The following SQSTM1 variants were observed in gnomAD, a reference collection of about 807,000 sequenced individuals.
SQSTM1 encodes the protein sequestosome 1.
In SQSTM1, 36 loss-of-function variants were observed where a neutral mutation model predicts 45.1. That is an observed-to-expected ratio of 0.80 (90% confidence interval 0.61 to 1.05). SQSTM1 has a LOEUF of 1.05. Ranked by LOEUF, SQSTM1 falls within the 50% of genes least tolerant of loss-of-function variation. The pLI, the probability that SQSTM1 is intolerant of heterozygous loss-of-function variation, is 0.00. For synonymous variants in SQSTM1, 290 were observed against 244.3 expected (o/e 1.19, Z -1.74); for missense variants, 617 against 607.1 (o/e 1.02, Z -0.17).
intron 5 of SQSTM1, 34 bp from the exon 6 acceptor site, chr5:179,832,998 C>T (rs747985542): frequency 1.2e-6 from 2 of 1,612,012 alleles, no homozygotes; most frequent in Admixed American, 3.3e-5. Flanking sequence ...CTTGGGGGAA[C>T]TTCACGGCTT....
In SQSTM1 at chr5:179,823,788, C is replaced by G. The variant is rs543533052; in HGVS notation, c.302-70C>G. On this transcript the variant is annotated intron_variant, in intron 2 of 7. Coordinates refer to ENST00000389805, the MANE Select transcript of SQSTM1 (RefSeq NM_003900.5). ...GGGGGCCTTGCTGGCAGTGACAGCC[C>G]CACAGTGACGACAGAGGGGGAGGAC... 9.1e-6 allele frequency: 14 copies of G among 1,540,458 alleles called. No homozygotes were observed. The African/African-American group carries it at 1.5e-4, about 16-fold the overall frequency.
Position 179,821,118 on chromosome 5 carries a change from G to C in SQSTM1, c.182G>C (p.Gly61Ala). 7.2e-7 allele frequency: 1 copy of C among 1,382,436 alleles called. No individual in the cohort carries two copies. The highest frequency in any genetic ancestry group is 9.3e-7 in the Non-Finnish European group (1 of 1,071,908). The allele number at this position is 1,382,436 out of a possible 1,614,324, so 85.6% of individuals were successfully genotyped here. A position where few individuals can be genotyped will look rare whatever the true frequency, so the allele number is the denominator to read the frequency against. ...GCCCTGTTCCCCGCGCTGCGGCCTG[G>C]CGGCTTCCAGGCGCACTACCGCGGT... Reference protein sequence around the residue: ...VAALFPALRPGGFQAHYRDED... With the variant: ...VAALFPALRPAGFQAHYRDED... The change falls in exon 1 of 8, where the codon GGC (glycine) becomes GCC (alanine). Residue 61 changes from glycine to alanine, a missense_variant. By Grantham distance (60) the Gly-to-Ala change is moderately conservative. Transcript: ENST00000389805.
At chr5:179,822,619 T>C in intron 1 of SQSTM1, 2 of 367,264 alleles carry the variant, frequency 5.4e-6, no homozygotes, top group Non-Finnish European at 1.1e-5. Context: ...AAGACGGACA[T>C]GGGCCTGGTC....
upstream of SQSTM1, chr5:179,820,803 G>C: frequency 2.3e-6 from 2 of 859,942 alleles, no homozygotes; most frequent in Non-Finnish European, 1.6e-6. Flanking sequence ...GCGCCGCGAC[G>C]ACGGTGGCGG....
At chr5:179,834,511 TAAAC>T (rs990412032) in intron 7 of SQSTM1, among the ~76,000 whole-genome samples, 1 of 151,814 alleles carries the variant, frequency 6.6e-6, no homozygotes, top group African/African-American at 2.4e-5. Flanking sequence ...GGTCAGCAGA[TAAAC>T]AAGTGAACAA....
At chr5:179,828,455 C>T (rs1758090969) in intron 5 of SQSTM1, among the ~76,000 whole-genome samples, 2 of 144,656 alleles carry the variant, frequency 1.4e-5, no homozygotes, top group African/African-American at 5.2e-5. Flanking sequence ...CTCACTACAA[C>T]CTCTGCCTCC....
intron 5 of SQSTM1, among the ~76,000 whole-genome samples, chr5:179,829,603 A>G (rs1758130977): frequency 6.6e-6 from 1 of 152,254 alleles, no homozygotes; most frequent in Non-Finnish European, 1.5e-5. Context: ...TTAAAATTAA[A>G]AAATAGAAAA....
chr5:179,832,945 G>A, intron 5 of SQSTM1, 87 bp from the exon 6 acceptor site: 1 of 1,338,100 alleles, frequency 7.5e-7, no homozygotes, highest in South Asian at 1.2e-5. Context: ...ATCTTCGTGA[G>A]TCTGTAGTCT....
At chr5:179,836,270 C>T in intron 7 of SQSTM1, 166 bp from the exon 8 acceptor site, 2 of 883,962 alleles carry the variant, frequency 2.3e-6, no homozygotes, top group South Asian at 1.4e-5. Context: ...CTGCTTGGCC[C>T]TTTACAGGGA....
upstream of SQSTM1, among the ~76,000 whole-genome samples, chr5:179,817,095 G>C (rs1757603785): frequency 1.3e-5 from 2 of 152,078 alleles, no homozygotes; most frequent in South Asian, 4.1e-4. Flanking sequence ...GCCGCGCCGG[G>C]GGCCGGGACA....
In SQSTM1 at chr5:179,836,458, G is replaced by T; in HGVS notation, c.1188G>T (p.Glu396Asp). ...LPPEADPRLI[E>D]SLSQMLSMGF... Reference sequence around the variant, plus strand: ...CAGAGGCTGACCCGCGGCTGATTGAGTCCCTCTCCCAGATGCTGTCCATGG... The same window carrying T: ...CAGAGGCTGACCCGCGGCTGATTGATTCCCTCTCCCAGATGCTGTCCATGG... Residue 396 changes from glutamate to aspartate, a missense_variant, in exon 8 of 8, where the codon GAG (glutamate) becomes GAT (aspartate). Physicochemically the swap from Glu to Asp is conservative, Grantham distance 45. Transcript: ENST00000389805. The T allele has an allele frequency of 6.2e-7, 1 of 1,614,200 alleles. No individual in the cohort carries two copies. Among genetic ancestry groups the T allele is most frequent in the Non-Finnish European group, 8.5e-7 (1 of 1,180,038 alleles).
At position 179,823,982 on chromosome 5, in the gene SQSTM1, CAGCGTCTGCCCAGACTACGACTTGTGT is replaced by C. The variant is rs754933881; in HGVS notation, c.436_462del (p.Pro146_Cys154del). 2.5e-6 allele frequency: 4 copies of C among 1,614,050 alleles called. No individual in the cohort carries two copies. The South Asian group carries it at 3.3e-5, about 13-fold the overall frequency. ...CTGTGGTAGGAACCCGCTACAAGTG[CAGCGTCTGCCCAGACTACGACTTGTGT>C]AGCGTCTGCGAGGGAAAGGGCTTGC... On this transcript the variant is annotated inframe_deletion, in exon 3 of 8. Coordinates refer to ENST00000389805, the MANE Select transcript of SQSTM1 (RefSeq NM_003900.5).
intron 5 of SQSTM1, among the ~76,000 whole-genome samples, chr5:179,825,668 G>A (rs1757959388): frequency 6.6e-6 from 1 of 152,214 alleles, no homozygotes; most frequent in South Asian, 2.1e-4. Flanking sequence ...CCTTTCTGGT[G>A]CTTCTGAGTG....
chr5:179,818,341 G>T (rs1288866264), upstream of SQSTM1, among the ~76,000 whole-genome samples: 3 of 152,186 alleles, frequency 2.0e-5, no homozygotes, highest in East Asian at 5.8e-4. Context: ...CCCTGTGATT[G>T]TCAATCTCCC....
At chr5:179,809,637 CTTTTT>C (rs1181470503) in intron 1 of SQSTM1, among the ~76,000 whole-genome samples, 2 of 77,648 alleles carry the variant, frequency 2.6e-5, no homozygotes, top group Non-Finnish European at 4.8e-5. Context: ...GCGCCTGGCC[CTTTTT>C]TTTTTTTTTT....
chr5:179,808,692 C>T (rs1053218322), intron 1 of SQSTM1, among the ~76,000 whole-genome samples: 2 of 152,002 alleles, frequency 1.3e-5, no homozygotes, highest in Non-Finnish European at 2.9e-5. Flanking sequence ...GTGGCTCATG[C>T]CTGTAATCCC....
At chr5:179,811,929 T>A (rs561493588) in intron 2 of SQSTM1, 1 of 152,150 alleles carries the variant, frequency 6.6e-6, no homozygotes. Context: ...CTCAGCCTCC[T>A]GAGTAGCTGG....
Position 179,806,557 on chromosome 5 carries a change from C to T in SQSTM1, c.-191C>T, listed in dbSNP as rs201297801. The T allele has an allele frequency of 1.4e-5, 18 of 1,317,994 alleles. No individual in the cohort carries two copies. The East Asian group carries it at 7.3e-4, about 53-fold the overall frequency. 81.6% of individuals were successfully genotyped at this position (1,317,994 alleles called of 1,614,324 possible). On this transcript the variant is annotated 5_prime_UTR_variant, in exon 1 of 6. Coordinates refer to the SQSTM1 transcript ENST00000514093. The surrounding 1 kb of genome is among the most constrained non-coding windows in gnomAD (Gnocchi z 4.6). ...CGCACAGGCAGAAGAGCAGCAGCGT[C>T]AGGAAGGTGCCATTGCGGAGCCTCA...
chr5:179,833,811 T>C, intron 7 of SQSTM1, 29 bp downstream of exon 7: 1 of 1,611,688 alleles, frequency 6.2e-7, no homozygotes. Context: ...TTTGTACATA[T>C]TCCTACCTTT....
Sources: allele counts gnomAD v4.1 joint callset (sites outside exome capture counted in the v4.1 genomes callset), GRCh38; gene constraint gnomAD v4.1.1; non-coding constraint Gnocchi (gnomAD v3.1); transcripts MANE v1.5; gene names NCBI Gene and HGNC (gene_info 2026-07-23, HGNC 2026-07-21).